The following SPTBN5 variants were observed in gnomAD, a reference collection of about 807,000 sequenced individuals.
SPTBN5 encodes spectrin beta chain, non-erythrocytic 5.
SPTBN5 carries 513 observed loss-of-function variants against 477.6 expected under a neutral mutation model. That is an observed-to-expected ratio of 1.07 (90% CI 1.00 to 1.16). The LOEUF (loss-of-function observed/expected upper bound fraction) is 1.16. Ranked by LOEUF, SPTBN5 falls within the 50% of genes most tolerant of loss-of-function variation. The pLI is 0.00. For synonymous variants in SPTBN5, 2,169 were observed against 2,011.7 expected (o/e 1.08, Z -2.09); for missense variants, 5,062 against 4,731.8 (o/e 1.07, Z -2.05).
At position 41,857,719 on chromosome 15, in the gene SPTBN5, A is replaced by G; in HGVS notation, c.8227-9T>C. The G allele has an allele frequency of 6.4e-7, 1 of 1,561,360 alleles. No homozygotes were observed. Among genetic ancestry groups the G allele is most frequent in the Non-Finnish European group, 8.6e-7 (1 of 1,156,570 alleles). On this transcript the variant is annotated splice_polypyrimidine_tract_variant and intron_variant, in intron 49 of 67. Coordinates refer to ENST00000320955, the MANE Select transcript of SPTBN5 (RefSeq NM_016642.4). ...AGCAGCCTCTGTCCCTCCTGCAGCC[A>G]CAACATGAAACACACCTTGTGGACT...
intron 9 of SPTBN5, 128 bp from the exon 10 acceptor site, chr15:41,882,866 A>T: frequency 7.2e-7 from 1 of 1,387,172 alleles, no homozygotes; most frequent in East Asian, 2.5e-5. Flanking sequence ...AACAGGTGAG[A>T]CGGAGGCTTT....
rs754187543 is a variant in SPTBN5 at position 41,856,533 on chromosome 15, C to T, written c.8874G>A (p.Lys2958=). The T allele has an allele frequency of 6.2e-7, 1 of 1,602,386 alleles. No homozygotes were observed. The highest frequency in any genetic ancestry group is 8.5e-7 in the Non-Finnish European group (1 of 1,176,250). The part of the protein sequence containing the change: ...LTRVVLGTGY[K]LVQAGHFAAH... ...CGGCAAAGTGCCCAGCCTGCACCAG[C>T]TTGTACCCAGTGCCCAGCACCACCC... The change falls in exon 53 of 68, where the codon AAG becomes AAA. Residue 2958 remains lysine, a synonymous_variant. Transcript: ENST00000320955.
chr15:41,873,305 C>T (rs1237964976), intron 26 of SPTBN5, among the ~76,000 whole-genome samples, 187 bp downstream of exon 26: 2 of 152,138 alleles, frequency 1.3e-5, no homozygotes, highest in African/African-American at 4.8e-5. Context: ...GTGTACATCA[C>T]AGTGCCCAGG....
At position 41,848,612 on chromosome 15, in the gene SPTBN5, C is replaced by T; in HGVS notation, c.*4G>A. 1 of 1,613,916 alleles carries T rather than the reference C, an allele frequency of 6.2e-7. No homozygotes were observed. Among genetic ancestry groups the T allele is most frequent in the Non-Finnish European group, 8.5e-7 (1 of 1,179,832 alleles). ...TGAAGTTTGGTGTTGCACTGGGGTT[C>T]ACCTCAGGGATCAGACCTGTTGGGA... On this transcript the variant is annotated 3_prime_UTR_variant, in exon 68 of 68. Coordinates refer to ENST00000320955, the MANE Select transcript of SPTBN5 (RefSeq NM_016642.4).
At chr15:41,876,443 T>A in intron 20 of SPTBN5, 105 bp downstream of exon 20, 1 of 1,338,476 alleles carries the variant, frequency 7.5e-7, no homozygotes. Context: ...AGAGGATGAA[T>A]GACATAGCGC....
In SPTBN5 at chr15:41,850,735, C is replaced by T. The variant is rs561216816; in HGVS notation, c.10921+119G>A. The stretch of plus-strand genomic sequence containing the variant: ...TGAGGAAAAACAGTAAGTCCCACTT[C>T]TTGGAGGTTAGAGATGCTAACTGTG... On this transcript the variant is annotated intron_variant, in intron 66 of 67. Coordinates refer to ENST00000320955, the MANE Select transcript of SPTBN5 (RefSeq NM_016642.4). 3 of 873,128 alleles carry T rather than the reference C, an allele frequency of 3.4e-6. No homozygotes were observed. In the African/African-American group the frequency reaches 5.0e-5, roughly 15 times the overall value. 54.1% of individuals were successfully genotyped at this position (873,128 alleles called of 1,614,324 possible).
At chr15:41,857,822 G>A in intron 49 of SPTBN5, 112 bp from the exon 50 acceptor site, 1 of 1,317,854 alleles carries the variant, frequency 7.6e-7, no homozygotes. Context: ...CGGTCCAGCT[G>A]CATGATCTTG....
rs1484282221 is a variant in SPTBN5 at position 41,881,803 on chromosome 15, GACACCTACACCC to G, written c.2457+121_2457+132del. On this transcript the variant is annotated intron_variant, in intron 12 of 67. Coordinates refer to ENST00000320955, the MANE Select transcript of SPTBN5 (RefSeq NM_016642.4). ...GATGCCACTGAGGACTGGGGTGAGG[GACACCTACACCC>G]ACGGGAAGGCCACGAATCCTGGGCC... 5 of 792,728 alleles carry G rather than the reference GACACCTACACCC, an allele frequency of 6.3e-6. No homozygotes were observed. The African/African-American group carries it at 9.3e-5, about 15-fold the overall frequency. 49.1% of individuals were successfully genotyped at this position (792,728 alleles called of 1,614,324 possible).
chr15:41,883,531 G>T (rs1326647536), intron 7 of SPTBN5, 45 bp from the exon 8 acceptor site: 4 of 1,591,504 alleles, frequency 2.5e-6, no homozygotes, highest in Non-Finnish European at 3.4e-6. Context: ...GGTTGGGGCA[G>T]GGAAGCTACT....
Position 41,875,441 on chromosome 15 carries a change from C to G in SPTBN5, c.4287+17G>C, listed in dbSNP as rs773893951. The G allele has an allele frequency of 6.8e-6, 11 of 1,608,430 alleles. No homozygotes were observed. The Admixed American group carries it at 1.8e-4, about 27-fold the overall frequency. ...CCTCCGTCTCCCTCTTGTGCCCTGT[C>G]CCTCTTCCCAGTGGACCTGCAGCTG... On this transcript the variant is annotated intron_variant, in intron 22 of 67. Coordinates refer to ENST00000320955, the MANE Select transcript of SPTBN5 (RefSeq NM_016642.4).
rs562330677 is a variant in SPTBN5 at position 41,878,526 on chromosome 15, G to A, written c.3286C>T (p.Arg1096Trp). The A allele has an allele frequency of 3.5e-5, 57 of 1,612,750 alleles. No individual in the cohort carries two copies. Among genetic ancestry groups the A allele is most frequent in the Middle Eastern group, 1.7e-4 (1 of 6,058 alleles). The change falls in exon 17 of 68, where the codon CGG (arginine) becomes TGG (tryptophan). Residue 1096 changes from arginine to tryptophan, a missense_variant. Physicochemically the swap from Arg to Trp is moderately radical, Grantham distance 101. Coordinates refer to ENST00000320955, the MANE Select transcript of SPTBN5 (RefSeq NM_016642.4). ...QVQEQVAQRA[R>W]RQAETQARQS... is the part of the protein sequence containing the mutation. ...CGGGCCTGAGTCTCAGCCTGGCGCC[G>A]GGCCCGTTGGGCCACTTGTTCCTGT...
chr15:41,857,782 A>G, intron 49 of SPTBN5, 72 bp from the exon 50 acceptor site: 1 of 1,493,274 alleles, frequency 6.7e-7, no homozygotes, highest in Non-Finnish European at 9.0e-7. Context: ...GTTGACTCTG[A>G]CCACCAGCAC....
In SPTBN5 at chr15:41,877,087, C is replaced by T. The variant is rs768871998; in HGVS notation, c.3711+29G>A. ...AGCTCCCTCCAGTGATGGGGAGTGA[C>T]AGCCTAGCTCCACATTCCTGCTCCA... On this transcript the variant is annotated intron_variant, in intron 18 of 67. Coordinates refer to ENST00000320955, the MANE Select transcript of SPTBN5 (RefSeq NM_016642.4). 3.1e-6 allele frequency: 5 copies of T among 1,611,656 alleles called. No homozygotes were observed. In the African/African-American group the frequency reaches 6.7e-5, roughly 22 times the overall value.
intron 1 of SPTBN5, 28 bp from the exon 2 acceptor site, chr15:41,893,574 T>G: frequency 6.6e-7 from 1 of 1,516,198 alleles, no homozygotes; most frequent in South Asian, 1.2e-5. Flanking sequence ...TAGGGGATGA[T>G]GTGAATGGAG....
chr15:41,850,199 T>C (rs1448402010), intron 66 of SPTBN5: 1 of 520,160 alleles, frequency 1.9e-6, no homozygotes, highest in Non-Finnish European at 3.5e-6. Flanking sequence ...TGAGCCTTTC[T>C]TAGGAGGTGG....
chr15:41,848,255 T>C lies in SPTBN5; in HGVS notation c.*361A>G, dbSNP rs115689014. 2,534 of 493,202 alleles carry C rather than the reference T, an allele frequency of 5.1e-3. 56 individuals carry two copies. The highest frequency in any genetic ancestry group is 0.044 in the African/African-American group (2,300 of 51,742). The allele number at this position is 493,202 out of a possible 1,614,324, so 30.6% of individuals were successfully genotyped here. A position where few individuals can be genotyped will look rare whatever the true frequency, so the allele number is the denominator to read the frequency against. ...AGAGCTCGCTCATCAGTGTTCTTCC[T>C]CCGAAGAGCACATTCTCTGCACACG... On this transcript the variant is annotated 3_prime_UTR_variant, in exon 68 of 68. Coordinates refer to ENST00000320955, the MANE Select transcript of SPTBN5 (RefSeq NM_016642.4).
rs769865813 is a variant in SPTBN5, at chr15:41,876,563, A to G, written c.3936T>C (p.Ala1312=). 2 of 1,599,386 alleles carry G rather than the reference A, an allele frequency of 1.3e-6. No individual in the cohort carries two copies. Among genetic ancestry groups the G allele is most frequent in the South Asian group, 2.3e-5 (2 of 88,526 alleles). Residue 1312 remains alanine, a synonymous_variant, in exon 20 of 68, where the codon GCT becomes GCC. Transcript: ENST00000320955. ...RSEQRRRQLL[A]SLQLQEWKQD... is the part of the protein sequence containing the mutation. ...AGACCCTCACCTGGAGCTGGAGGGAAGCCAGCAACTGCCTCCTCCTCTGCT... is the reference window on the plus strand; with the variant it reads ...AGACCCTCACCTGGAGCTGGAGGGAGGCCAGCAACTGCCTCCTCCTCTGCT...
chr15:41,868,516 A>T lies in SPTBN5; in HGVS notation c.5939T>A (p.Leu1980Gln). 1.9e-6 allele frequency: 3 copies of T among 1,610,032 alleles called. No homozygotes were observed. The highest frequency in any genetic ancestry group is 2.5e-6 in the Non-Finnish European group (3 of 1,179,756). Residue 1980 changes from leucine (L) to glutamine (Q), a missense_variant, in exon 33 of 68, where the codon CTG (leucine) becomes CAG (glutamine). By Grantham distance (113) the Leu-to-Gln change is moderately radical. Transcript: ENST00000320955. ...ESSQEPSSGP[L>Q]KLSAHQWLRA... ...GAGCCACTGGTGGGCACTGAGCTTC[A>T]GCGGGCCACTGCTAGGCTCTTGCGA...
chr15:41,878,577 T>C lies in SPTBN5; in HGVS notation c.3235A>G (p.Thr1079Ala). ...ACTTGCTTCAGCAGCCCCTGCAGTG[T>C]CTCCACCTGTCCTTGCAGAGGCTGG... ...ESQPLQGQVETLQGLLKQVQE... is the reference protein window; with the variant it reads ...ESQPLQGQVEALQGLLKQVQE... Residue 1079 changes from threonine (T) to alanine (A), a missense_variant, in exon 17 of 68, where the codon ACA becomes GCA. Thr to Ala is a moderately conservative substitution (Grantham distance 58). Transcript: ENST00000320955. 5 of 1,612,786 alleles carry C rather than the reference T, an allele frequency of 3.1e-6. No homozygotes were observed. Among genetic ancestry groups the C allele is most frequent in the Non-Finnish European group, 4.2e-6 (5 of 1,179,728 alleles).
Sources: allele counts gnomAD v4.1 joint callset (sites outside exome capture counted in the v4.1 genomes callset), GRCh38; gene constraint gnomAD v4.1.1; transcripts MANE v1.5; gene names NCBI Gene and HGNC (gene_info 2026-07-23, HGNC 2026-07-21).